IMMP2L: variants seen among roughly 807,000 people sequenced by gnomAD.
The protein encoded by IMMP2L is inner mitochondrial membrane peptidase subunit 2.
In IMMP2L, 18 loss-of-function variants were observed where a neutral mutation model predicts 19.3. The observed-to-expected ratio is 0.93, with a 90% CI of 0.64 to 1.38. IMMP2L has a LOEUF of 1.38. Among genes scored for constraint, IMMP2L ranks in the 40% most tolerant of loss-of-function variants. The probability of loss-of-function intolerance (pLI) is 0.00; values close to 1 mark genes in which losing one functional copy is unlikely to be tolerated. For missense variants in IMMP2L, 233 were observed against 218.2 expected, an observed-to-expected ratio of 1.07 and a Z score of -0.43; for synonymous variants, 76 against 73.0, an observed-to-expected ratio of 1.04 and a Z score of -0.21.
At chr7:110,965,079 A>G (rs1332912904) in intron 3 of IMMP2L, among the ~76,000 whole-genome samples, 2 of 152,044 alleles carry the variant, frequency 1.3e-5, no homozygotes, top group Non-Finnish European at 2.9e-5. Flanking sequence ...GATGCTAGAC[A>G]TTGGGGTAAT....
At chr7:111,012,132 C>T (rs1345336448) in intron 3 of IMMP2L, among the ~76,000 whole-genome samples, 1 of 152,018 alleles carries the variant, frequency 6.6e-6, no homozygotes, top group Non-Finnish European at 1.5e-5. Flanking sequence ...AAATGTAATG[C>T]AGATCAAAGG....
chr7:110,868,116 T>TG (rs1808166912), intron 5 of IMMP2L, among the ~76,000 whole-genome samples: 10 of 145,936 alleles, frequency 6.9e-5, no homozygotes, highest in Admixed American at 1.4e-4. Context: ...TCTTGTGAGG[T>TG]TTGTGTGTGT....
At chr7:111,062,619 T>C (rs1459036917) in intron 3 of IMMP2L, among the ~76,000 whole-genome samples, 1 of 152,228 alleles carries the variant, frequency 6.6e-6, no homozygotes, top group Non-Finnish European at 1.5e-5. Flanking sequence ...CCTATGAGCC[T>C]GTAAAATCAA....
intron 3 of IMMP2L, among the ~76,000 whole-genome samples, chr7:111,313,982 C>T (rs779268343): frequency 1.9e-4 from 29 of 151,200 alleles, no homozygotes; most frequent in Non-Finnish European, 2.7e-4. Context: ...TTTCTGCCCT[C>T]CACTCTCTGT....
chr7:111,387,542 T>C (rs369840227), intron 3 of IMMP2L, among the ~76,000 whole-genome samples: 4 of 152,172 alleles, frequency 2.6e-5, no homozygotes, highest in South Asian at 2.1e-4. Flanking sequence ...CTTAACAATA[T>C]AGATGGTTTC....
At chr7:111,327,118 A>G (rs533503971) in intron 3 of IMMP2L, among the ~76,000 whole-genome samples, 149 of 151,908 alleles carry the variant, frequency 9.8e-4, no homozygotes, top group Non-Finnish European at 1.7e-3. Flanking sequence ...ACTGTGCTAC[A>G]TGAAATAGGC....
At chr7:111,350,110 C>T (rs1242092303) in intron 3 of IMMP2L, among the ~76,000 whole-genome samples, 1 of 151,608 alleles carries the variant, frequency 6.6e-6, no homozygotes, top group African/African-American at 2.4e-5. Flanking sequence ...TTGGATTACA[C>T]GTGCACGCCA....
intron 4 of IMMP2L, among the ~76,000 whole-genome samples, chr7:110,930,824 T>G (rs1719791285): frequency 6.6e-6 from 1 of 152,198 alleles, no homozygotes; most frequent in Non-Finnish European, 1.5e-5. Flanking sequence ...CATGGGAATG[T>G]GTTTTATAGC....
At chr7:111,146,913 C>T (rs950696080) in intron 3 of IMMP2L, among the ~76,000 whole-genome samples, 4 of 152,062 alleles carry the variant, frequency 2.6e-5, no homozygotes, top group Non-Finnish European at 4.4e-5. Flanking sequence ...CTTTCATTGG[C>T]TCCATCTTTG....
chr7:111,428,269 T>C (rs1210246435), intron 3 of IMMP2L, among the ~76,000 whole-genome samples: 1 of 151,748 alleles, frequency 6.6e-6, no homozygotes, highest in Non-Finnish European at 1.5e-5. Flanking sequence ...AAATATATTT[T>C]CTGTTTCACA....
At chr7:110,833,247 T>G (rs1254657915) in intron 5 of IMMP2L, among the ~76,000 whole-genome samples, 2 of 152,056 alleles carry the variant, frequency 1.3e-5, no homozygotes, top group Non-Finnish European at 2.9e-5. Flanking sequence ...GACACTAGCC[T>G]GGCCAACATG....
chr7:110,996,615 G>C (rs1005765590), intron 3 of IMMP2L, among the ~76,000 whole-genome samples: 1 of 152,044 alleles, frequency 6.6e-6, no homozygotes, highest in African/African-American at 2.4e-5. Flanking sequence ...CCTCCTGATA[G>C]AATAGGATAT....
chr7:111,353,999 T>C (rs1021311875), intron 3 of IMMP2L, among the ~76,000 whole-genome samples: 3 of 152,050 alleles, frequency 2.0e-5, no homozygotes, highest in Non-Finnish European at 2.9e-5. Context: ...AGGAGACATA[T>C]AATTGAAGTG....
At chr7:110,748,612 G>A (rs1231322071) in intron 5 of IMMP2L, among the ~76,000 whole-genome samples, 3 of 152,156 alleles carry the variant, frequency 2.0e-5, no homozygotes, top group African/African-American at 7.2e-5. Flanking sequence ...ACAATCATCT[G>A]ATCTTTGACA....
chr7:111,321,654 T>C lies in IMMP2L; in HGVS notation c.239+165584A>G, dbSNP rs190399150. On this transcript the variant is annotated intron_variant, in intron 3 of 5. Coordinates refer to ENST00000405709, the MANE Select transcript of IMMP2L (RefSeq NM_032549.4). Reference sequence around the variant, plus strand: ...CTTAAATCCAAAGCTTGCTTTACTATATAGCTATGCTCTAAATCACCAAAT... The same window carrying C: ...CTTAAATCCAAAGCTTGCTTTACTACATAGCTATGCTCTAAATCACCAAAT... 4.2e-3 allele frequency among the ~76,000 whole-genome samples: 635 copies of C among 152,112 alleles called. 5 individuals are homozygous for C. The highest frequency in any genetic ancestry group is 0.015 in the African/African-American group (608 of 41,558).
intron 5 of IMMP2L, among the ~76,000 whole-genome samples, chr7:110,812,033 C>T (rs1183532119): frequency 6.6e-6 from 1 of 151,978 alleles, no homozygotes; most frequent in Admixed American, 6.6e-5. Context: ...TGTACTCGTC[C>T]AACCTTATTT....
At chr7:110,780,349 C>T (rs532199011) in intron 5 of IMMP2L, among the ~76,000 whole-genome samples, 1 of 151,188 alleles carries the variant, frequency 6.6e-6, no homozygotes, top group East Asian at 2.0e-4. Flanking sequence ...TTACGGTTTA[C>T]ACTGGTGCTG....
intron 5 of IMMP2L, among the ~76,000 whole-genome samples, chr7:110,801,947 C>T (rs1801276680): frequency 6.6e-6 from 1 of 152,024 alleles, no homozygotes; most frequent in African/African-American, 2.4e-5. Context: ...TTAGGATCCT[C>T]CTATTTAACA....
intron 3 of IMMP2L, among the ~76,000 whole-genome samples, chr7:111,168,591 A>G (rs1009627983): frequency 6.6e-6 from 1 of 151,938 alleles, no homozygotes. Flanking sequence ...CTGCCTTTGA[A>G]GCACCTTCCA....
Sources: allele counts gnomAD v4.1 joint callset (sites outside exome capture counted in the v4.1 genomes callset), GRCh38; gene constraint gnomAD v4.1.1; transcripts MANE v1.5; gene names NCBI Gene and HGNC (gene_info 2026-07-23, HGNC 2026-07-21).